The following GNAQ variants were observed in gnomAD, a reference collection of about 807,000 sequenced individuals.
GNAQ encodes G protein subunit alpha q, also known as guanine nucleotide-binding protein G(q) subunit alpha.
A neutral mutation model predicts 43.9 loss-of-function variants in GNAQ; 8 were observed. The ratio of observed to expected loss-of-function variants is 0.18; its 90% CI spans 0.11 to 0.33. GNAQ has a LOEUF of 0.33. Among genes scored for constraint, GNAQ ranks in the 10% least tolerant of loss-of-function variants. The pLI is 1.00. For synonymous variants in GNAQ, 155 were observed against 170.7 expected (o/e 0.91, Z 0.71); for missense variants, 158 against 450.8 (o/e 0.35, Z 5.88).
Position 77,720,461 on chromosome 9 carries a change from G to T in GNAQ, c.*862C>A. On this transcript the variant is annotated 3_prime_UTR_variant, in exon 7 of 7. Transcript: ENST00000286548. ...AAGGTTCTGGGTAGCAGCCATTAGGGTAATGTAGTGTCTGTTGGCATCTTT... is the reference window on the plus strand; with the variant it reads ...AAGGTTCTGGGTAGCAGCCATTAGGTTAATGTAGTGTCTGTTGGCATCTTT... 4.3e-6 allele frequency: 1 copy of T among 233,518 alleles called. No individual in the cohort carries two copies. 14.5% of individuals were successfully genotyped at this position (233,518 alleles called of 1,614,324 possible). A position where few individuals can be genotyped will look rare whatever the true frequency, so the allele number is the denominator to read the frequency against.
chr9:77,974,671 C>T (rs558181711), intron 1 of GNAQ, among the ~76,000 whole-genome samples: 5 of 152,084 alleles, frequency 3.3e-5, no homozygotes, highest in African/African-American at 1.2e-4. Context: ...AGTGCTATAG[C>T]TGCTCACACA....
intron 1 of GNAQ, among the ~76,000 whole-genome samples, chr9:77,941,893 AC>A (rs1564158528): frequency 7.2e-6 from 1 of 138,858 alleles, no homozygotes; most frequent in Non-Finnish European, 1.5e-5. Flanking sequence ...ATGTGCACTT[AC>A]ATACAACATA....
intron 2 of GNAQ, among the ~76,000 whole-genome samples, chr9:77,909,683 TAA>T (rs71360667): frequency 3.8e-5 from 5 of 131,986 alleles, no homozygotes; most frequent in Admixed American, 7.7e-5. Context: ...CACAAGATAG[TAA>T]AAAAAAAAAA....
intron 2 of GNAQ, among the ~76,000 whole-genome samples, chr9:77,840,261 T>C (rs139550966): frequency 3.3e-4 from 51 of 152,306 alleles, no homozygotes; most frequent in African/African-American, 1.1e-3. Context: ...AAACAATGAA[T>C]GAATTAGCAT....
chr9:77,987,333 CAGTT>C (rs1428602076), intron 1 of GNAQ, among the ~76,000 whole-genome samples: 1 of 151,338 alleles, frequency 6.6e-6, no homozygotes, highest in Non-Finnish European at 1.5e-5. Flanking sequence ...TGGTAGGAGT[CAGTT>C]AGACCGAAAA....
chr9:77,943,636 T>C lies in GNAQ; in HGVS notation c.137-21291A>G, dbSNP rs1829345156. On this transcript the variant is annotated intron_variant, in intron 1 of 6. Transcript: ENST00000286548. Reference sequence around the variant, plus strand: ...ACACAAATTGGAAAAAAAAATAAAGTACCTTTATCCTGGAAGTAACTAACT... The same window carrying C: ...ACACAAATTGGAAAAAAAAATAAAGCACCTTTATCCTGGAAGTAACTAACT... 8.6e-5 allele frequency among the ~76,000 whole-genome samples: 13 copies of C among 151,068 alleles called. No individual in the cohort carries two copies. The South Asian group carries it at 2.7e-3, about 32-fold the overall frequency.
At chr9:77,848,403 T>A (rs1211101584) in intron 2 of GNAQ, among the ~76,000 whole-genome samples, 1 of 152,204 alleles carries the variant, frequency 6.6e-6, no homozygotes, top group Non-Finnish European at 1.5e-5. Flanking sequence ...TCACAGATCT[T>A]CAAGCTATTT....
At chr9:77,813,352 C>T (rs1419831607) in intron 3 of GNAQ, among the ~76,000 whole-genome samples, 1 of 152,144 alleles carries the variant, frequency 6.6e-6, no homozygotes, top group African/African-American at 2.4e-5. Context: ...CTTGCTTTAT[C>T]GTAAGGAGTG....
At chr9:77,944,961 G>C (rs1415702611) in intron 1 of GNAQ, among the ~76,000 whole-genome samples, 1 of 152,196 alleles carries the variant, frequency 6.6e-6, no homozygotes, top group African/African-American at 2.4e-5. Context: ...AACACCAGGG[G>C]TCTCAACCCA....
intron 2 of GNAQ, among the ~76,000 whole-genome samples, chr9:77,856,490 G>T (rs1317420427): frequency 6.6e-6 from 1 of 152,142 alleles, no homozygotes; most frequent in African/African-American, 2.4e-5. Context: ...TTCTTCTAGA[G>T]TAAGTGAATA....
intron 5 of GNAQ, among the ~76,000 whole-genome samples, chr9:77,751,392 G>C (rs902366008): frequency 5.3e-5 from 8 of 152,300 alleles, no homozygotes; most frequent in Middle Eastern, 3.4e-3. Flanking sequence ...CTCCTGTATT[G>C]AAACTAACTC....
chr9:77,842,765 G>A (rs901134750), intron 2 of GNAQ, among the ~76,000 whole-genome samples: 1 of 152,048 alleles, frequency 6.6e-6, no homozygotes. Flanking sequence ...AGATGGCTTC[G>A]GAACCTTGGG....
intron 2 of GNAQ, among the ~76,000 whole-genome samples, chr9:77,833,551 C>T (rs1402193170): frequency 1.3e-5 from 2 of 152,188 alleles, no homozygotes; most frequent in East Asian, 1.9e-4. Context: ...TATGTGTAGA[C>T]ACTAAACCAT....
At chr9:77,880,557 T>G (rs1776146842) in intron 2 of GNAQ, among the ~76,000 whole-genome samples, 1 of 148,214 alleles carries the variant, frequency 6.7e-6, no homozygotes, top group African/African-American at 2.5e-5. Context: ...TTTTTTCTGT[T>G]TTTTTTTTTT....
chr9:77,849,311 A>G (rs527580072), intron 2 of GNAQ, among the ~76,000 whole-genome samples: 2 of 152,296 alleles, frequency 1.3e-5, no homozygotes, highest in South Asian at 2.1e-4. Flanking sequence ...AATAGAAATA[A>G]TAAGAGTTTT....
intron 5 of GNAQ, among the ~76,000 whole-genome samples, chr9:77,753,086 CA>C (rs547963667): frequency 0.017 from 885 of 53,010 alleles, 2 homozygotes; most frequent in Non-Finnish European, 0.027. Flanking sequence ...GACTCTGTCT[CA>C]AAAAAAAAAA....
At chr9:77,916,081 T>A (rs1319171289) in intron 2 of GNAQ, among the ~76,000 whole-genome samples, 2 of 152,140 alleles carry the variant, frequency 1.3e-5, no homozygotes, top group African/African-American at 4.8e-5. Context: ...CCAGAGTTCA[T>A]CCATTTCACA....
intron 3 of GNAQ, among the ~76,000 whole-genome samples, chr9:77,803,687 G>T (rs1826782633): frequency 6.6e-6 from 1 of 152,136 alleles, no homozygotes; most frequent in Non-Finnish European, 1.5e-5. Context: ...GGGGAAATAA[G>T]GGTTACATAA....
chr9:77,856,197 C>T (rs1279674778), intron 2 of GNAQ, among the ~76,000 whole-genome samples: 1 of 152,034 alleles, frequency 6.6e-6, no homozygotes, highest in Non-Finnish European at 1.5e-5. Flanking sequence ...GGTGTGTTTA[C>T]CCTGTAAGTG....
Sources: gnomAD v4.1 joint callset for allele counts (sites outside exome capture counted in the v4.1 genomes callset) on GRCh38, gnomAD v4.1.1 for gene constraint, MANE v1.5 for transcripts, NCBI Gene and HGNC (gene_info 2026-07-23, HGNC 2026-07-21) for gene names.